CSRP2: variants seen among roughly 807,000 people sequenced by gnomAD.
CSRP2 encodes cysteine and glycine rich protein 2, also known as cysteine and glycine-rich protein 2.
A neutral mutation model predicts 24.6 loss-of-function variants in CSRP2; 18 were observed. The ratio of observed to expected loss-of-function variants is 0.73; its 90% CI spans 0.51 to 1.09. The LOEUF is 1.09. CSRP2 is among the 50% of genes least tolerant of loss of function. The pLI, the probability that CSRP2 is intolerant of heterozygous loss-of-function variation, is 0.00. For synonymous variants in CSRP2, 87 were observed against 84.3 expected, an observed-to-expected ratio of 1.03 and a Z score of -0.18; for missense variants, 215 against 239.4, an observed-to-expected ratio of 0.90 and a Z score of 0.67.
chr12:76,876,133 GA>G (rs773175894), intron 1 of CSRP2, among the ~76,000 whole-genome samples: 2 of 152,140 alleles, frequency 1.3e-5, no homozygotes. Context: ...TTTTCTTTTG[GA>G]AGTACTGTGA....
At chr12:76,861,600 A>G (rs1223152159) in intron 3 of CSRP2, 1 of 152,168 alleles carries the variant, frequency 6.6e-6, no homozygotes, top group African/African-American at 2.4e-5. Context: ...AATTTTAACA[A>G]AGATAAAAAG....
At chr12:76,865,995 G>T in intron 2 of CSRP2, 154 bp downstream of exon 2, 1 of 624,996 alleles carries the variant, frequency 1.6e-6, no homozygotes, top group Non-Finnish European at 2.8e-6. Flanking sequence ...TCGCTGCTAG[G>T]CTTGGCATTT....
intron 5 of CSRP2, 104 bp downstream of exon 5, chr12:76,859,443 G>A: frequency 1.4e-6 from 1 of 739,600 alleles, no homozygotes; most frequent in South Asian, 2.0e-5. Context: ...TCAGAAAATA[G>A]TGGCATACTT....
At chr12:76,869,455 A>C (rs901389111) in intron 1 of CSRP2, among the ~76,000 whole-genome samples, 2 of 151,318 alleles carry the variant, frequency 1.3e-5, no homozygotes, top group African/African-American at 4.9e-5. Flanking sequence ...CTTATCCTGC[A>C]TGCCTCAGTT....
intron 1 of CSRP2, 149 bp from the exon 2 acceptor site, chr12:76,866,410 A>C: frequency 1.7e-6 from 1 of 585,228 alleles, no homozygotes; most frequent in East Asian, 2.9e-5. Flanking sequence ...CCTCCAAAAT[A>C]ACCTCATCTC....
intron 1 of CSRP2, among the ~76,000 whole-genome samples, chr12:76,869,917 C>G (rs1347083440): frequency 6.6e-6 from 1 of 152,192 alleles, no homozygotes; most frequent in Non-Finnish European, 1.5e-5. Flanking sequence ...GTTAGAGAAA[C>G]TGACCTTGCC....
chr12:76,866,786 A>C (rs1023071619), intron 1 of CSRP2, among the ~76,000 whole-genome samples: 2 of 152,352 alleles, frequency 1.3e-5, no homozygotes, highest in African/African-American at 4.8e-5. Context: ...GTTGCCCTGC[A>C]AGAACAAGTT....
chr12:76,863,175 C>T lies in CSRP2; in HGVS notation c.281+1G>A, dbSNP rs1565821857. The stretch of plus-strand genomic sequence containing the variant: ...AGGTAACCAACGGTCTCCCAACTCA[C>T]CTCTCTGGTTTGATGCCCAGCCTCT... On this transcript the variant is annotated splice_donor_variant, in intron 3 of 5. Transcript: ENST00000311083. LOFTEE classifies it high-confidence loss of function. 1.2e-6 allele frequency: 2 copies of T among 1,610,486 alleles called. No individual in the cohort carries two copies. The highest frequency in any genetic ancestry group is 3.3e-5 in the Admixed American group (2 of 59,822).
chr12:76,864,752 A>G (rs755836577), intron 2 of CSRP2: 1 of 152,172 alleles, frequency 6.6e-6, no homozygotes. Flanking sequence ...ATCTTAAACT[A>G]AAGTCTTCTA....
chr12:76,876,360 A>C lies in CSRP2; in HGVS notation c.-2+2578T>G, dbSNP rs1278464130. Among the ~76,000 whole-genome samples the C allele has an allele frequency of 5.3e-5, 8 of 152,224 alleles. No homozygotes were observed. The East Asian group carries it at 1.5e-3, about 29-fold the overall frequency. ...GACTTACAACAATAAAATTTTTAACAATCAGAAATTGTGCCTGTGGTAAAA... is the reference window on the plus strand; with the variant it reads ...GACTTACAACAATAAAATTTTTAACCATCAGAAATTGTGCCTGTGGTAAAA... On this transcript the variant is annotated intron_variant, in intron 1 of 5. Coordinates refer to ENST00000311083, the MANE Select transcript of CSRP2 (RefSeq NM_001321.3).
chr12:76,866,333 C>G, intron 1 of CSRP2, 72 bp from the exon 2 acceptor site: 1 of 1,163,568 alleles, frequency 8.6e-7, no homozygotes, highest in Non-Finnish European at 1.3e-6. Context: ...TATTTAAGCC[C>G]AGGGACAGCT....
rs567936563 is a variant in CSRP2 at position 76,878,474 on chromosome 12, G to A, written c.-2+464C>T. Among the ~76,000 whole-genome samples the A allele has an allele frequency of 1.2e-4, 18 of 152,214 alleles. No individual in the cohort carries two copies. The East Asian group carries it at 3.5e-3, about 30-fold the overall frequency. On this transcript the variant is annotated intron_variant, in intron 1 of 5. Transcript: ENST00000311083. ...CCCCTAGGGGACAGAACCCAGTAAG[G>A]TCGCCCTCGGTGCTCACCACACTCC...
At position 76,863,741 on chromosome 12, in the gene CSRP2, G is replaced by C. The variant is rs186161416; in HGVS notation, c.113-397C>G. The C allele has an allele frequency of 3.7e-5, 6 of 162,200 alleles. No homozygotes were observed. The East Asian group carries it at 1.1e-3, about 29-fold the overall frequency. The allele number at this position is 162,200 out of a possible 1,614,324, so 10.0% of individuals were successfully genotyped here. A position where few individuals can be genotyped will look rare whatever the true frequency, so the allele number is the denominator to read the frequency against. On this transcript the variant is annotated intron_variant, in intron 2 of 5. Transcript: ENST00000311083. ...GGCTATAAAAATGCTTAAACAAAAG[G>C]AATAAAACACCACCTTGCTCCCAAC...
intron 1 of CSRP2, among the ~76,000 whole-genome samples, chr12:76,877,571 A>G (rs1305679360): frequency 6.6e-6 from 1 of 152,232 alleles, no homozygotes; most frequent in Non-Finnish European, 1.5e-5. Context: ...CATGTGATGC[A>G]GGTCTGGTCT....
chr12:76,862,781 T>A, intron 3 of CSRP2: 1 of 1,392,616 alleles, frequency 7.2e-7, no homozygotes, highest in Non-Finnish European at 9.3e-7. Context: ...ATAGAAGGAG[T>A]GACTTAGGAA....
intron 1 of CSRP2, among the ~76,000 whole-genome samples, chr12:76,874,936 G>A (rs1023860784): frequency 2.0e-5 from 3 of 152,084 alleles, no homozygotes; most frequent in Admixed American, 2.0e-4. Context: ...CCACAAAACT[G>A]GTCCCTGGTG....
At chr12:76,873,316 C>T (rs1953820035) in intron 1 of CSRP2, among the ~76,000 whole-genome samples, 1 of 152,176 alleles carries the variant, frequency 6.6e-6, no homozygotes. Flanking sequence ...GTTACGATGA[C>T]TTTTTAGCAA....
intron 1 of CSRP2, among the ~76,000 whole-genome samples, chr12:76,868,883 A>C (rs1210592480): frequency 6.7e-6 from 1 of 148,546 alleles, no homozygotes; most frequent in African/African-American, 2.5e-5. Flanking sequence ...CAGTGAGCCG[A>C]GATTGTGCCA....
intron 1 of CSRP2, among the ~76,000 whole-genome samples, chr12:76,877,274 A>G (rs1953861907): frequency 6.6e-6 from 1 of 152,200 alleles, no homozygotes; most frequent in Non-Finnish European, 1.5e-5. Context: ...ATAAAATTCA[A>G]TCTCCCCCAA....
Sources: allele counts gnomAD v4.1 joint callset (sites outside exome capture counted in the v4.1 genomes callset), GRCh38; gene constraint gnomAD v4.1.1; transcripts MANE v1.5; gene names NCBI Gene and HGNC (gene_info 2026-07-23, HGNC 2026-07-21).